Variants in SOCS6 observed in about 807,000 individuals in gnomAD.
SOCS6 encodes the protein STAT induced STAT inhibitor-4.
SOCS6 carries 5 observed loss-of-function variants against 27.7 expected under a neutral mutation model. That is an observed-to-expected ratio of 0.18 (90% CI 0.09 to 0.38). SOCS6 has a LOEUF of 0.38. SOCS6 is among the 10% of genes least tolerant of loss of function. The pLI, the probability that SOCS6 is intolerant of heterozygous loss-of-function variation, is 1.00. For missense variants in SOCS6, 595 were observed against 688.1 expected, an observed-to-expected ratio of 0.86 and a Z score of 1.51; for synonymous variants, 271 against 260.0, an observed-to-expected ratio of 1.04 and a Z score of -0.41.
At chr18:70,309,358 C>T (rs2146278162) in intron 1 of SOCS6, among the ~76,000 whole-genome samples, 1 of 152,244 alleles carries the variant, frequency 6.6e-6, no homozygotes, top group Non-Finnish European at 1.5e-5. Flanking sequence ...TTAGTCCATT[C>T]ACACTTAATG....
intron 1 of SOCS6, among the ~76,000 whole-genome samples, chr18:70,319,752 T>C (rs148662198): frequency 2.6e-5 from 4 of 152,306 alleles, no homozygotes; most frequent in African/African-American, 9.6e-5. Flanking sequence ...CAAAGACACT[T>C]TCCAGTACAT....
At chr18:70,321,667 A>G (rs1910999633) in intron 1 of SOCS6, among the ~76,000 whole-genome samples, 1 of 151,818 alleles carries the variant, frequency 6.6e-6, no homozygotes, top group Non-Finnish European at 1.5e-5. Context: ...ATTTCAAGAG[A>G]TGCAACCCAC....
intron 1 of SOCS6, among the ~76,000 whole-genome samples, chr18:70,294,392 T>C (rs2062314376): frequency 6.6e-6 from 1 of 152,062 alleles, no homozygotes; most frequent in Non-Finnish European, 1.5e-5. Context: ...CAATTTTTCT[T>C]TTATTGGATG....
At chr18:70,316,656 T>C (rs2062412729) in intron 1 of SOCS6, among the ~76,000 whole-genome samples, 1 of 152,214 alleles carries the variant, frequency 6.6e-6, no homozygotes, top group Non-Finnish European at 1.5e-5. Flanking sequence ...TCTAGCTTCC[T>C]TGTTGCCAGC....
At chr18:70,320,013 G>C (rs891988061) in intron 1 of SOCS6, among the ~76,000 whole-genome samples, 20 of 150,146 alleles carry the variant, frequency 1.3e-4, no homozygotes, top group African/African-American at 4.9e-4. Flanking sequence ...TTTTTTTTGA[G>C]ATGGAGTCTT....
chr18:70,291,315 T>A (rs1340442488), intron 1 of SOCS6, among the ~76,000 whole-genome samples: 1 of 152,064 alleles, frequency 6.6e-6, no homozygotes, highest in Non-Finnish European at 1.5e-5. Flanking sequence ...TTGCCGAGGC[T>A]GGTCTCAAAC....
At position 70,324,881 on chromosome 18, in the gene SOCS6, G is replaced by A; in HGVS notation, c.213G>A (p.Glu71=). The change falls in exon 2 of 2, where the codon GAG becomes GAA. Residue 71 remains glutamate, a synonymous_variant. Coordinates refer to ENST00000397942, the MANE Select transcript of SOCS6 (RefSeq NM_004232.4). ...GCGGAAAAAACAGATCAAAAAGCGAGAGCCTGATGGGTACGCTAAAAAGGC... is the reference window on the plus strand; with the variant it reads ...GCGGAAAAAACAGATCAAAAAGCGAAAGCCTGATGGGTACGCTAAAAAGGC... ...EKGGKNRSKS[E]SLMGTLKRRL... The A allele has an allele frequency of 1.2e-6, 2 of 1,614,188 alleles. No homozygotes were observed. The highest frequency in any genetic ancestry group is 1.3e-5 in the African/African-American group (1 of 75,042).
intron 1 of SOCS6, among the ~76,000 whole-genome samples, chr18:70,300,595 A>G (rs769351271): frequency 6.6e-6 from 1 of 152,232 alleles, no homozygotes; most frequent in Non-Finnish European, 1.5e-5. Context: ...TGCTGGTTAG[A>G]TATCTAAGTC....
intron 1 of SOCS6, among the ~76,000 whole-genome samples, chr18:70,302,854 A>G (rs572999988): frequency 6.6e-6 from 1 of 152,358 alleles, no homozygotes; most frequent in South Asian, 2.1e-4. Flanking sequence ...TACCAAAGCC[A>G]AAGAATAATA....
At chr18:70,316,808 A>T (rs755021879) in intron 1 of SOCS6, among the ~76,000 whole-genome samples, 27 of 152,210 alleles carry the variant, frequency 1.8e-4, no homozygotes, top group Non-Finnish European at 3.4e-4. Flanking sequence ...AATTAAAACA[A>T]GTAAATACAC....
intron 1 of SOCS6, among the ~76,000 whole-genome samples, chr18:70,289,448 T>A (rs1432015939): frequency 6.8e-6 from 1 of 146,362 alleles, no homozygotes; most frequent in African/African-American, 2.5e-5. Context: ...CTCGGCCTCT[T>A]CGGCCGCGGC....
intron 1 of SOCS6, among the ~76,000 whole-genome samples, chr18:70,298,429 G>A (rs2062333792): frequency 6.6e-6 from 1 of 151,966 alleles, no homozygotes; most frequent in South Asian, 2.1e-4. Context: ...TCATATATAG[G>A]TGAATGGTAT....
intron 1 of SOCS6, among the ~76,000 whole-genome samples, chr18:70,309,385 T>A (rs1269089232): frequency 2.0e-5 from 3 of 152,214 alleles, no homozygotes; most frequent in Non-Finnish European, 4.4e-5. Flanking sequence ...TTGATTCCAT[T>A]GGATTTATGT....
In SOCS6 at chr18:70,328,845, A is replaced by G. The variant is rs1054135481; in HGVS notation, c.*2569A>G. 5 of 166,742 alleles carry G rather than the reference A, an allele frequency of 3.0e-5. No homozygotes were observed. The highest frequency in any genetic ancestry group is 7.3e-5 in the Non-Finnish European group (5 of 68,110). 10.3% of individuals were successfully genotyped at this position (166,742 alleles called of 1,614,324 possible). On this transcript the variant is annotated 3_prime_UTR_variant, in exon 2 of 2. Coordinates refer to ENST00000397942, the MANE Select transcript of SOCS6 (RefSeq NM_004232.4). ...TTAAAAGTGGAAACAGGGAAAAGAG[A>G]GAGAGAAAACTCATCATTTAGTTTG...
At position 70,324,705 on chromosome 18, in the gene SOCS6, T is replaced by C. The variant is rs756932164; in HGVS notation, c.37T>C (p.Phe13Leu). 1 of 1,603,530 alleles carries C rather than the reference T, an allele frequency of 6.2e-7. No individual in the cohort carries two copies. Among genetic ancestry groups the C allele is most frequent in the South Asian group, 1.1e-5 (1 of 89,316 alleles). The change falls in exon 2 of 2, where the codon TTT (phenylalanine) becomes CTT (leucine). Residue 13 changes from phenylalanine to leucine, a missense_variant. Physicochemically the swap from Phe to Leu is conservative, Grantham distance 22. Transcript: ENST00000397942. ...KISLKTLRKS[F>L]NLNKSKEETD... ...TAGTCTTAAAACCTTACGGAAATCT[T>C]TTAACTTGAATAAAAGTAAAGAAGA...
chr18:70,301,355 CAT>C (rs941597386), intron 1 of SOCS6, among the ~76,000 whole-genome samples: 3 of 152,076 alleles, frequency 2.0e-5, no homozygotes, highest in Admixed American at 6.5e-5. Context: ...TTGGATTCTG[CAT>C]ATGTTTTGGA....
chr18:70,305,072 T>A (rs1299983209), intron 1 of SOCS6, among the ~76,000 whole-genome samples: 1 of 152,070 alleles, frequency 6.6e-6, no homozygotes, highest in Non-Finnish European at 1.5e-5. Flanking sequence ...CCGGGCATGG[T>A]GGCATGCACC....
chr18:70,318,971 G>A (rs1385630491), intron 1 of SOCS6, among the ~76,000 whole-genome samples: 1 of 151,814 alleles, frequency 6.6e-6, no homozygotes, highest in Non-Finnish European at 1.5e-5. Flanking sequence ...AAAGAGAAGA[G>A]AAAAGAAGAA....
At chr18:70,289,655 G>A (rs2146253834) in intron 1 of SOCS6, among the ~76,000 whole-genome samples, 1 of 149,824 alleles carries the variant, frequency 6.7e-6, no homozygotes, top group Middle Eastern at 3.4e-3. Flanking sequence ...GGCCTGGGGC[G>A]CGGCGCTGGG....
Sources: gnomAD v4.1 joint callset for allele counts (sites outside exome capture counted in the v4.1 genomes callset) on GRCh38, gnomAD v4.1.1 for gene constraint, MANE v1.5 for transcripts, NCBI Gene and HGNC (gene_info 2026-07-23, HGNC 2026-07-21) for gene names.